The following GTF2E1 variants were observed in gnomAD, a reference collection of about 807,000 sequenced individuals.
The protein encoded by GTF2E1 is TFIIE alpha subunit.
In GTF2E1, 14 loss-of-function variants were observed where a neutral mutation model predicts 34.9. The ratio of observed to expected loss-of-function variants is 0.40; its 90% CI spans 0.27 to 0.63. The LOEUF is 0.63. Ranked by LOEUF, GTF2E1 falls within the 20% of genes least tolerant of loss-of-function variation. The pLI, the probability that GTF2E1 is intolerant of heterozygous loss-of-function variation, is 0.39. For synonymous variants in GTF2E1, 188 were observed against 192.9 expected (o/e 0.97, Z 0.21); for missense variants, 469 against 557.7 (o/e 0.84, Z 1.60).
At chr3:120,743,744 C>T (rs1027521987) in intron 1 of GTF2E1, among the ~76,000 whole-genome samples, 5 of 152,248 alleles carry the variant, frequency 3.3e-5, no homozygotes, top group Non-Finnish European at 5.9e-5. Flanking sequence ...ACAGCATGTG[C>T]AAAGCCTTGG....
chr3:120,763,691 A>G (rs992279995), intron 2 of GTF2E1, among the ~76,000 whole-genome samples: 41 of 152,142 alleles, frequency 2.7e-4, no homozygotes, highest in African/African-American at 9.2e-4. Context: ...AAGTTTTTTC[A>G]TAAGATTGTC....
intron 2 of GTF2E1, among the ~76,000 whole-genome samples, chr3:120,754,558 C>G (rs1709192540): frequency 6.6e-6 from 1 of 151,984 alleles, no homozygotes; most frequent in Non-Finnish European, 1.5e-5. Context: ...ATATATAGCA[C>G]ATTATTCCTG....
chr3:120,744,683 T>G (rs556876751), intron 1 of GTF2E1, among the ~76,000 whole-genome samples: 115 of 152,306 alleles, frequency 7.6e-4, no homozygotes, highest in African/African-American at 2.6e-3. Flanking sequence ...TTCTGTTCTC[T>G]TCTTGCAATT....
intron 2 of GTF2E1, among the ~76,000 whole-genome samples, chr3:120,764,793 T>C (rs1467712202): frequency 6.6e-6 from 1 of 152,158 alleles, no homozygotes; most frequent in African/African-American, 2.4e-5. Flanking sequence ...TTTTTTGCTT[T>C]GGTTTTATTT....
At position 120,749,681 on chromosome 3, in the gene GTF2E1, G is replaced by A. The variant is rs564523935; in HGVS notation, c.-30-842G>A. 3 of 152,196 alleles carry A rather than the reference G, an allele frequency of 2.0e-5. No homozygotes were observed. In the East Asian group the frequency reaches 5.8e-4, roughly 29 times the overall value. 9.4% of individuals were successfully genotyped at this position (152,196 alleles called of 1,614,324 possible). A position where few individuals can be genotyped will look rare whatever the true frequency, so the allele number is the denominator to read the frequency against. ...TGCCAGTATTTTATTGAGGATTTTT[G>A]CATCAATGTTCATCAAGGATATTGG... On this transcript the variant is annotated intron_variant, in intron 1 of 4. Transcript: ENST00000283875.
chr3:120,771,239 C>T lies in GTF2E1; in HGVS notation c.650+310C>T, dbSNP rs146967735. On this transcript the variant is annotated intron_variant, in intron 3 of 4. Transcript: ENST00000283875. ...TTAGCTAATCCTAAATTAGTTGTGCCGCTTGGGGATATTTGAATTTTCCTA... is the reference window on the plus strand; with the variant it reads ...TTAGCTAATCCTAAATTAGTTGTGCTGCTTGGGGATATTTGAATTTTCCTA... 1.4e-3 allele frequency among the ~76,000 whole-genome samples: 213 copies of T among 152,084 alleles called. 2 individuals carry two copies. The highest frequency in any genetic ancestry group is 4.9e-3 in the African/African-American group (202 of 41,500).
At chr3:120,775,663 A>G (rs531760216) in intron 3 of GTF2E1, among the ~76,000 whole-genome samples, 3 of 152,366 alleles carry the variant, frequency 2.0e-5, no homozygotes, top group African/African-American at 7.2e-5. Context: ...GGAAATGATC[A>G]GACATGGAAC....
chr3:120,756,593 T>C (rs1364721263), intron 2 of GTF2E1, among the ~76,000 whole-genome samples: 1 of 152,174 alleles, frequency 6.6e-6, no homozygotes, highest in Non-Finnish European at 1.5e-5. Flanking sequence ...TTTTTAAAAT[T>C]CTGCTGCTTT....
chr3:120,756,791 T>C (rs1361738520), intron 2 of GTF2E1, among the ~76,000 whole-genome samples: 3 of 152,018 alleles, frequency 2.0e-5, no homozygotes, highest in African/African-American at 7.2e-5. Flanking sequence ...CTGGGCGTGG[T>C]GGAGTGCGCC....
At chr3:120,767,250 G>A (rs1321553136) in intron 2 of GTF2E1, among the ~76,000 whole-genome samples, 1 of 151,956 alleles carries the variant, frequency 6.6e-6, no homozygotes, top group African/African-American at 2.4e-5. Context: ...TTTTTTTCCT[G>A]GACTATCATT....
At chr3:120,767,551 T>C (rs1235337434) in intron 2 of GTF2E1, among the ~76,000 whole-genome samples, 1 of 152,154 alleles carries the variant, frequency 6.6e-6, no homozygotes, top group East Asian at 1.9e-4. Flanking sequence ...CCCATGGAAA[T>C]TGGGGCATGG....
At chr3:120,770,696 T>C in intron 2 of GTF2E1, 32 bp from the exon 3 acceptor site, 1 of 1,521,138 alleles carries the variant, frequency 6.6e-7, no homozygotes. Flanking sequence ...TAAAGTCTTC[T>C]CTCTGACCTG....
chr3:120,749,749 G>C (rs1325790666), intron 1 of GTF2E1: 3 of 152,008 alleles, frequency 2.0e-5, no homozygotes, highest in Non-Finnish European at 4.4e-5. Flanking sequence ...CCGAAGCCCA[G>C]GTTTTTAAAG....
At chr3:120,780,947 C>T (rs958948062) in intron 4 of GTF2E1, 96 bp from the exon 5 acceptor site, 3 of 775,750 alleles carry the variant, frequency 3.9e-6, no homozygotes, top group Admixed American at 3.0e-5. Flanking sequence ...GTTATTTTAT[C>T]GTATTATTTA....
intron 1 of GTF2E1, among the ~76,000 whole-genome samples, chr3:120,746,261 A>G (rs1299169016): frequency 2.0e-5 from 3 of 152,198 alleles, no homozygotes; most frequent in African/African-American, 4.8e-5. Context: ...AAATAGTTCA[A>G]TGGGATGTCT....
At chr3:120,749,182 A>T (rs542171185) in intron 1 of GTF2E1, among the ~76,000 whole-genome samples, 3 of 152,258 alleles carry the variant, frequency 2.0e-5, no homozygotes, top group Non-Finnish European at 4.4e-5. Flanking sequence ...CTAGATATAC[A>T]ATCATGTCAT....
At chr3:120,755,777 C>G (rs1231048076) in intron 2 of GTF2E1, among the ~76,000 whole-genome samples, 1 of 152,140 alleles carries the variant, frequency 6.6e-6, no homozygotes, top group African/African-American at 2.4e-5. Flanking sequence ...ACCATTTCTA[C>G]CCTCTGCTAA....
intron 2 of GTF2E1, among the ~76,000 whole-genome samples, chr3:120,762,298 A>G (rs1001577754): frequency 3.0e-4 from 46 of 152,120 alleles, no homozygotes; most frequent in African/African-American, 1.1e-3. Flanking sequence ...TGATCTGTCT[A>G]ATATTGACAA....
chr3:120,780,016 T>C (rs867394153), intron 4 of GTF2E1, among the ~76,000 whole-genome samples: 2 of 152,356 alleles, frequency 1.3e-5, no homozygotes, highest in Middle Eastern at 6.8e-3. Flanking sequence ...CACAAAATGA[T>C]AGGAGGTGTG....
Sources: allele counts gnomAD v4.1 joint callset (sites outside exome capture counted in the v4.1 genomes callset), GRCh38; gene constraint gnomAD v4.1.1; transcripts MANE v1.5; gene names NCBI Gene and HGNC (gene_info 2026-07-23, HGNC 2026-07-21).